The following GPC3 variants were observed in gnomAD, a reference collection of about 807,000 sequenced individuals.
The protein encoded by GPC3 is glypican 3.
GPC3 carries 3 observed loss-of-function variants against 34.4 expected under a neutral mutation model. That is an observed-to-expected ratio of 0.09 (90% CI 0.04 to 0.23). The LOEUF (loss-of-function observed/expected upper bound fraction) is 0.23. Among genes scored for constraint, GPC3 ranks in the 10% least tolerant of loss-of-function variants. The pLI is 1.00. For synonymous variants in GPC3, 177 were observed against 174.0 expected (o/e 1.02, Z -0.13); for missense variants, 351 against 445.6 (o/e 0.79, Z 1.91).
At chrX:133,801,826 G>T (rs1277939303) in intron 2 of GPC3, among the ~76,000 whole-genome samples, 1 of 112,181 alleles carries the variant, frequency 8.9e-6, no homozygotes, top group Admixed American at 9.4e-5. Flanking sequence ...TTAAGCTTTT[G>T]TTTTTTATGT....
intron 1 of GPC3, among the ~76,000 whole-genome samples, chrX:133,978,244 C>A (rs939036216): frequency 4.5e-5 from 5 of 112,220 alleles, no homozygotes; most frequent in African/African-American, 1.3e-4. Flanking sequence ...GGATTATGTC[C>A]TTTTAAATGT....
chrX:133,974,507 C>T (rs1357453145), intron 1 of GPC3, among the ~76,000 whole-genome samples: 1 of 112,349 alleles, frequency 8.9e-6, no homozygotes, highest in African/African-American at 3.2e-5. Context: ...ATCTTATTTG[C>T]AGAGTCTTGG....
At chrX:133,961,327 G>T (rs1181573113) in intron 1 of GPC3, among the ~76,000 whole-genome samples, 2 of 111,283 alleles carry the variant, frequency 1.8e-5, no homozygotes, top group East Asian at 5.6e-4. Context: ...CTGGAGTACT[G>T]GGAGTTTAAA....
At chrX:133,850,194 G>GTTTTTTTTTTTT (rs749809263) in intron 2 of GPC3, among the ~76,000 whole-genome samples, 1 of 68,008 alleles carries the variant, frequency 1.5e-5, no homozygotes, top group Non-Finnish European at 2.8e-5. Context: ...TTTGGGTTTT[G>GTTTTTTTTTTTT]TTTTTTTTTT....
intron 1 of GPC3, among the ~76,000 whole-genome samples, chrX:133,984,823 C>T (rs1366770119): frequency 3.2e-5 from 2 of 61,750 alleles, no homozygotes; most frequent in Admixed American, 2.2e-4. Flanking sequence ...GTAAAGGCGG[C>T]GGGGGGTGGG....
intron 3 of GPC3, among the ~76,000 whole-genome samples, chrX:133,700,697 C>T (rs2071160171): frequency 9.1e-6 from 1 of 110,353 alleles, no homozygotes; most frequent in African/African-American, 3.3e-5. Flanking sequence ...GGCAACACAG[C>T]AAGACCCAGT....
intron 2 of GPC3, among the ~76,000 whole-genome samples, chrX:133,788,094 A>G (rs1422612633): frequency 9.9e-4 from 46 of 46,482 alleles, no homozygotes; most frequent in Admixed American, 8.2e-3. Context: ...TATTTTATAT[A>G]TATATATATA....
intron 2 of GPC3, among the ~76,000 whole-genome samples, chrX:133,851,967 G>A (rs2075875864): frequency 9.0e-6 from 1 of 111,664 alleles, no homozygotes; most frequent in African/African-American, 3.3e-5. Flanking sequence ...CAAAATACCT[G>A]CATTTAGAAA....
At chrX:133,792,575 G>C (rs181697113) in intron 2 of GPC3, among the ~76,000 whole-genome samples, 1 of 110,998 alleles carries the variant, frequency 9.0e-6, no homozygotes, top group African/African-American at 3.3e-5. Flanking sequence ...TAAGCTCCTG[G>C]AGTTCAGAAC....
chrX:133,561,735 T>A (rs774153347), intron 7 of GPC3, among the ~76,000 whole-genome samples: 1 of 112,325 alleles, frequency 8.9e-6, no homozygotes, highest in South Asian at 3.7e-4. Context: ...GCATCAAATA[T>A]TGAAGCTTGT....
At chrX:133,830,013 A>C (rs1186562068) in intron 2 of GPC3, among the ~76,000 whole-genome samples, 1 of 112,357 alleles carries the variant, frequency 8.9e-6, no homozygotes, top group Non-Finnish European at 1.9e-5. Context: ...TTGCATATAC[A>C]GACAAACTGA....
chrX:133,662,942 C>A (rs981372093), intron 5 of GPC3, among the ~76,000 whole-genome samples: 1 of 109,872 alleles, frequency 9.1e-6, no homozygotes, highest in Admixed American at 9.7e-5. Flanking sequence ...TTTTTAATTA[C>A]AAAATAATAA....
At chrX:133,629,894 A>C (rs1226145954) in intron 6 of GPC3, among the ~76,000 whole-genome samples, 2 of 109,036 alleles carry the variant, frequency 1.8e-5, no homozygotes, top group African/African-American at 6.7e-5. Flanking sequence ...GCCTCTACTA[A>C]AAATACAAAA....
chrX:133,639,210 G>A lies in GPC3; in HGVS notation c.1413+22520C>T, dbSNP rs186007630. Among the ~76,000 whole-genome samples, 107 of 112,186 alleles carry A rather than the reference G, an allele frequency of 9.5e-4. 1 individual carries two copies. The highest frequency in any genetic ancestry group is 3.4e-3 in the African/African-American group (104 of 30,904). ...TTATCTTCCAGGAACCATCTCATATGTAATTTCTTCCATAAATTCTTCCCC... is the reference window on the plus strand; with the variant it reads ...TTATCTTCCAGGAACCATCTCATATATAATTTCTTCCATAAATTCTTCCCC... On this transcript the variant is annotated intron_variant, in intron 6 of 7. Transcript: ENST00000370818.
At chrX:133,850,863 G>A (rs756913947) in intron 2 of GPC3, among the ~76,000 whole-genome samples, 97 of 110,254 alleles carry the variant, frequency 8.8e-4, no homozygotes, top group Non-Finnish European at 1.5e-3. Flanking sequence ...AGGCCAAGGC[G>A]GGTGGATCAC....
In GPC3 at chrX:133,545,182, C is replaced by T. The variant is rs148598015; in HGVS notation, c.1574-8889G>A. Among the ~76,000 whole-genome samples, 594 of 111,309 alleles carry T rather than the reference C, an allele frequency of 5.3e-3. 5 individuals carry two copies. The highest frequency in any genetic ancestry group is 0.028 in the Middle Eastern group (6 of 216). On this transcript the variant is annotated intron_variant, in intron 7 of 7. Coordinates refer to ENST00000370818, the MANE Select transcript of GPC3 (RefSeq NM_004484.4). Reference sequence around the variant, plus strand: ...TACAGCAAGGGCCAGGGAAGAAGATCAAGATAACTGATCTAGAGAAGACAA... The same window carrying T: ...TACAGCAAGGGCCAGGGAAGAAGATTAAGATAACTGATCTAGAGAAGACAA...
intron 2 of GPC3, among the ~76,000 whole-genome samples, chrX:133,768,530 T>C (rs889840648): frequency 2.7e-5 from 3 of 111,342 alleles, no homozygotes; most frequent in African/African-American, 9.8e-5. Context: ...ACATCTAAAA[T>C]GGAGGGAGGC....
intron 2 of GPC3, among the ~76,000 whole-genome samples, chrX:133,755,866 G>A (rs1299699151): frequency 1.8e-5 from 2 of 112,143 alleles, no homozygotes; most frequent in South Asian, 3.7e-4. Context: ...AGATTATCTA[G>A]CCCAATACAG....
chrX:133,688,038 G>T (rs2071026557), intron 5 of GPC3, among the ~76,000 whole-genome samples: 2 of 112,396 alleles, frequency 1.8e-5, no homozygotes, highest in South Asian at 7.3e-4. Flanking sequence ...GTTCATTTGG[G>T]TGTTATCAGG....
Sources: allele counts gnomAD v4.1 joint callset (sites outside exome capture counted in the v4.1 genomes callset), GRCh38; gene constraint gnomAD v4.1.1; transcripts MANE v1.5; gene names NCBI Gene and HGNC (gene_info 2026-07-23, HGNC 2026-07-21).